The following TAS2R1 variants were observed in gnomAD, a reference collection of about 807,000 sequenced individuals.
TAS2R1 encodes taste 2 receptor member 1, also known as taste receptor type 2 member 1.
For synonymous variants in TAS2R1, 141 were observed against 134.2 expected, an observed-to-expected ratio of 1.05 and a Z score of -0.35; for missense variants, 370 against 353.4, an observed-to-expected ratio of 1.05 and a Z score of -0.38.
chr5:9,683,915 A>G (rs1259730273), intron 1 of TAS2R1, among the ~76,000 whole-genome samples: 1 of 152,170 alleles, frequency 6.6e-6, no homozygotes, highest in Non-Finnish European at 1.5e-5. Flanking sequence ...GCCAGCATCT[A>G]CGGAAGTGTG....
chr5:9,706,559 A>G (rs1407301240), intron 1 of TAS2R1, among the ~76,000 whole-genome samples: 2 of 152,242 alleles, frequency 1.3e-5, no homozygotes, highest in Non-Finnish European at 2.9e-5. Context: ...CCAGGAAACA[A>G]TGAAAGGTTT....
the TAS2R1 span, among the ~76,000 whole-genome samples, chr5:9,793,254 A>C: frequency 6.6e-6 from 1 of 152,218 alleles, no homozygotes; most frequent in African/African-American, 2.4e-5. Context: ...GAAATGATGC[A>C]GACATATTGT....
At chr5:9,882,325 A>G in the TAS2R1 span, among the ~76,000 whole-genome samples, 4 of 152,140 alleles carry the variant, frequency 2.6e-5, no homozygotes, top group Non-Finnish European at 5.9e-5. Context: ...CAGTCAGATG[A>G]TTATTAAAAA....
the TAS2R1 span, among the ~76,000 whole-genome samples, chr5:9,775,858 A>G: frequency 6.6e-6 from 1 of 152,204 alleles, no homozygotes; most frequent in South Asian, 2.1e-4. Context: ...CACCTCAAGA[A>G]AAAAATAAAT....
the TAS2R1 span, among the ~76,000 whole-genome samples, chr5:9,876,987 A>G: frequency 3.5e-4 from 54 of 152,348 alleles, no homozygotes; most frequent in East Asian, 7.7e-4. Context: ...GTGTCTACAC[A>G]TGCCACAAGG....
the TAS2R1 span, among the ~76,000 whole-genome samples, chr5:9,865,281 A>C: frequency 1.3e-5 from 2 of 152,234 alleles, no homozygotes; most frequent in Non-Finnish European, 2.9e-5. Flanking sequence ...AAAATCAACA[A>C]GACAAAGTCA....
chr5:9,711,690 TG>T (rs1284902898), intron 1 of TAS2R1, among the ~76,000 whole-genome samples: 1 of 152,250 alleles, frequency 6.6e-6, no homozygotes, highest in East Asian at 1.9e-4. Flanking sequence ...TTTTCTGAAA[TG>T]GAGTCTCACT....
the TAS2R1 span, among the ~76,000 whole-genome samples, chr5:9,835,612 A>C: frequency 6.6e-5 from 10 of 152,354 alleles, 2 homozygotes; most frequent in South Asian, 1.2e-3. Context: ...GCCAGACCTC[A>C]GGCAACCAGG....
chr5:9,820,140 C>T, the TAS2R1 span, among the ~76,000 whole-genome samples: 1 of 152,082 alleles, frequency 6.6e-6, no homozygotes, highest in Non-Finnish European at 1.5e-5. Flanking sequence ...TTTTAAAGAG[C>T]ATTCCCAGTT....
At chr5:9,787,482 A>G in the TAS2R1 span, among the ~76,000 whole-genome samples, 4 of 152,224 alleles carry the variant, frequency 2.6e-5, no homozygotes, top group African/African-American at 9.7e-5. Flanking sequence ...AATACAAGAT[A>G]CAAGTGGTCC....
the TAS2R1 span, among the ~76,000 whole-genome samples, chr5:9,799,049 A>G: frequency 6.6e-6 from 1 of 152,182 alleles, no homozygotes; most frequent in Non-Finnish European, 1.5e-5. Context: ...TGGGACATGC[A>G]GTGATCCACA....
chr5:9,863,826 C>A, the TAS2R1 span, among the ~76,000 whole-genome samples: 1 of 152,096 alleles, frequency 6.6e-6, no homozygotes, highest in Admixed American at 6.5e-5. Flanking sequence ...GTGAACACAC[C>A]CCTCCCCTTC....
chr5:9,840,920 G>C, the TAS2R1 span, among the ~76,000 whole-genome samples: 1 of 139,854 alleles, frequency 7.2e-6, no homozygotes, highest in Non-Finnish European at 1.5e-5. Flanking sequence ...CTTTCACCCA[G>C]CTGGAGTGCA....
chr5:9,761,081 G>T, the TAS2R1 span: 1 of 152,082 alleles, frequency 6.6e-6, no homozygotes, highest in Non-Finnish European at 1.5e-5. Flanking sequence ...GCTAATAAGA[G>T]AATAACAAGG....
intron 1 of TAS2R1, among the ~76,000 whole-genome samples, chr5:9,703,210 G>A (rs1741528770): frequency 6.6e-6 from 1 of 152,174 alleles, no homozygotes; most frequent in Non-Finnish European, 1.5e-5. Context: ...CATCTCATGT[G>A]TAGCCACCAA....
chr5:9,868,869 G>GCCA, the TAS2R1 span, among the ~76,000 whole-genome samples: 250 of 152,258 alleles, frequency 1.6e-3, no homozygotes, highest in Non-Finnish European at 2.8e-3. Context: ...GGGGCAAAAT[G>GCCA]CCACCAGTCT....
At chr5:9,822,038 T>A in the TAS2R1 span, among the ~76,000 whole-genome samples, 1 of 152,216 alleles carries the variant, frequency 6.6e-6, no homozygotes, top group Non-Finnish European at 1.5e-5. Flanking sequence ...TGACCACTGC[T>A]CTTGCTGTCA....
chr5:9,642,169 G>A (rs1005704957), intron 2 of TAS2R1, among the ~76,000 whole-genome samples: 8 of 152,146 alleles, frequency 5.3e-5, no homozygotes, highest in Non-Finnish European at 1.0e-4. Flanking sequence ...CTTTTCATCA[G>A]GTAGAAGGCT....
chr5:9,808,054 G>C, the TAS2R1 span, among the ~76,000 whole-genome samples: 2 of 152,286 alleles, frequency 1.3e-5, no homozygotes, highest in South Asian at 4.1e-4. Flanking sequence ...GGTAGAGACT[G>C]ACAGAGTTTT....
Sources: allele counts gnomAD v4.1 joint callset (sites outside exome capture counted in the v4.1 genomes callset), GRCh38; gene constraint gnomAD v4.1.1; transcripts MANE v1.5; gene names NCBI Gene and HGNC (gene_info 2026-07-23, HGNC 2026-07-21).